Variants in TTN observed in about 807,000 individuals in gnomAD.
TTN encodes connectin.
A neutral mutation model predicts 3,223.0 loss-of-function variants in TTN; 1,525 were observed. That is an observed-to-expected ratio of 0.47 (90% CI 0.45 to 0.49). TTN has a LOEUF of 0.49. TTN is among the 20% of genes least tolerant of loss of function. The pLI is 0.00. For missense variants in TTN, 40,786 were observed against 43,424.0 expected (o/e 0.94, Z 5.40); for synonymous variants, 14,094 against 15,161.0 (o/e 0.93, Z 5.17).
chr2:178,730,787 T>C lies in TTN; in HGVS notation c.17746A>G (p.Ile5916Val). ...TTTTTGGTGAATGAAGGAGGTATGA[T>C]AAGATCTATTCAATGAAAAAGCAAA... The part of the protein sequence containing the change: ...CKARINVLDL[I>V]IPPSFTKKLK... The change falls in exon 61 of 363, where the codon ATC becomes GTC. Residue 5916 changes from isoleucine (I) to valine (V), a missense_variant. Coordinates refer to ENST00000589042, the MANE Select transcript of TTN (RefSeq NM_001267550.2). 1 of 1,590,784 alleles carries C rather than the reference T, an allele frequency of 6.3e-7. No homozygotes were observed. The highest frequency in any genetic ancestry group is 8.6e-7 in the Non-Finnish European group (1 of 1,167,392).
rs2742352 is a variant in TTN, at chr2:178,667,930, T to C, written c.35546-209A>G. Among the ~76,000 whole-genome samples, 3,265 of 152,250 alleles carry C rather than the reference T, an allele frequency of 0.021. 65 individuals carry two copies. Among genetic ancestry groups the C allele is most frequent in the East Asian group, 0.095 (491 of 5,174 alleles). ...TCTAAGCATTTCTCTATGATGATGA[T>C]AATAAAATGGAGGAATTGTTCAGGC... On this transcript the variant is annotated intron_variant, in intron 159 of 362. Transcript: ENST00000589042.
rs879160608 is a variant in TTN at position 178,579,027 on chromosome 2, G to T, written c.68003C>A (p.Pro22668Gln). 2 of 1,613,204 alleles carry T rather than the reference G, an allele frequency of 1.2e-6. No homozygotes were observed. Among genetic ancestry groups the T allele is most frequent in the Non-Finnish European group, 1.7e-6 (2 of 1,179,488 alleles). Residue 22668 changes from proline to glutamine, a missense_variant, in exon 320 of 363, where the codon CCA (proline) becomes CAA (glutamine). Coordinates refer to ENST00000589042, the MANE Select transcript of TTN (RefSeq NM_001267550.2). ...GATTTCAGAACCTCCATCATCCTTTGGAGGAGCCCACTTTAAGGTCATGGC... is the reference window on the plus strand; with the variant it reads ...GATTTCAGAACCTCCATCATCCTTTTGAGGAGCCCACTTTAAGGTCATGGC... ...AEAMTLKWAP[P>Q]KDDGGSEITN...
intron 147 of TTN, chr2:178,676,220 A>C: frequency 2.7e-6 from 1 of 370,592 alleles, no homozygotes; most frequent in Non-Finnish European, 4.9e-6. Flanking sequence ...TGGTGCAAAA[A>C]TAATTGCGGT....
At position 178,646,555 on chromosome 2, in the gene TTN, A is replaced by C. The variant is rs3754951; in HGVS notation, c.40227T>G (p.Arg13409=). The C allele has an allele frequency of 9.7e-6, 15 of 1,542,730 alleles. No homozygotes were observed. In the East Asian group the frequency reaches 3.7e-4, roughly 38 times the overall value. The change falls in exon 216 of 363, where the codon CGT becomes CGG. Residue 13409 remains arginine, a synonymous_variant. Coordinates refer to ENST00000589042, the MANE Select transcript of TTN (RefSeq NM_001267550.2). ...CAGGTTTAATATACTTTTCAATTTC[A>C]CGTTCTTTAAAGAATGTTGACAAAG... is the stretch of plus-strand genomic sequence containing the variant. ...GRKETPPVEE[R]EIEKYIKPEE...
At chr2:178,672,908 A>T (rs943943100) in intron 152 of TTN, among the ~76,000 whole-genome samples, 5 of 151,854 alleles carry the variant, frequency 3.3e-5, no homozygotes, top group African/African-American at 1.2e-4. Context: ...AGAAATGTCC[A>T]CAAAGTACCT....
chr2:178,714,325 T>C lies in TTN; in HGVS notation c.26449A>G (p.Met8817Val), dbSNP rs878856898. 1 of 1,613,652 alleles carries C rather than the reference T, an allele frequency of 6.2e-7. No homozygotes were observed. Among genetic ancestry groups the C allele is most frequent in the Non-Finnish European group, 8.5e-7 (1 of 1,179,588 alleles). The change falls in exon 91 of 363, where the codon ATG becomes GTG. Residue 8817 changes from methionine to valine, a missense_variant. Coordinates refer to ENST00000589042, the MANE Select transcript of TTN (RefSeq NM_001267550.2). Reference sequence around the variant, plus strand: ...GATAGCGTGGCGAAGCACTCTTGCATCCCAGCATCGTTTTTGATCTGACAA... The same window carrying C: ...GATAGCGTGGCGAAGCACTCTTGCACCCCAGCATCGTTTTTGATCTGACAA... ...YTCQIKNDAG[M>V]QECFATLSVL...
In TTN at chr2:178,633,943, T is replaced by G. The variant is rs1187615662; in HGVS notation, c.42556A>C (p.Thr14186Pro). The change falls in exon 231 of 363, where the codon ACA becomes CCA. Residue 14186 changes from threonine to proline, a missense_variant. Thr to Pro is a conservative substitution (Grantham distance 38, BLOSUM62 -1). Transcript: ENST00000589042. ...KNDAKLHTSR[T>P]VLISSEGKTH... ...TTGCCCTCAGAAGAGATGAGTACTG[T>G]TCTGCTTGTATGGAGTTTGGCATCA... 1 of 1,613,474 alleles carries G rather than the reference T, an allele frequency of 6.2e-7. No homozygotes were observed. The highest frequency in any genetic ancestry group is 1.7e-5 in the Admixed American group (1 of 59,994).
chr2:178,765,969 T>C (rs2090317431), intron 41 of TTN, among the ~76,000 whole-genome samples: 1 of 152,158 alleles, frequency 6.6e-6, no homozygotes, highest in African/African-American at 2.4e-5. Flanking sequence ...AGAGGACTTT[T>C]GAGTTCTCCC....
chr2:178,548,267 A>C lies in TTN; in HGVS notation c.93359T>G (p.Leu31120Arg), dbSNP rs1310673663. Residue 31120 changes from leucine to arginine, a missense_variant, in exon 339 of 363, where the codon CTT becomes CGT. By Grantham distance (102) the Leu-to-Arg change is moderately radical. Coordinates refer to ENST00000589042, the MANE Select transcript of TTN (RefSeq NM_001267550.2). This position sits in a 1 kb window ranked among gnomAD's most constrained non-coding sequence, Gnocchi z 4.3. ...GGATTTGCTAGTATCAACAACATCA[A>C]GTCTCCTAGGTGGAGCAGGCTGTTC... ...ATEQPAPPRR[L>R]DVVDTSKSSA... 1 of 1,613,860 alleles carries C rather than the reference A, an allele frequency of 6.2e-7. No homozygotes were observed. The highest frequency in any genetic ancestry group is 8.5e-7 in the Non-Finnish European group (1 of 1,179,810).
rs779531031 is a variant in TTN, at chr2:178,608,673, T to C, written c.52338A>G (p.Arg17446=). The C allele has an allele frequency of 3.1e-6, 5 of 1,612,050 alleles. No homozygotes were observed. The highest frequency in any genetic ancestry group is 4.2e-6 in the Non-Finnish European group (5 of 1,179,028). ...IEGKEYLFRV[R]AENRFGPGPP... is the part of the protein sequence containing the mutation. ...GACCTGGCCCAAATCTGTTTTCAGC[T>C]CTTACACGGAAGAGGTACTCTTTTC... is the stretch of plus-strand genomic sequence containing the variant. Residue 17446 remains arginine (R), a synonymous_variant, in exon 274 of 363, where the codon AGA becomes AGG. Coordinates refer to ENST00000589042, the MANE Select transcript of TTN (RefSeq NM_001267550.2).
chr2:178,776,065 TTC>T lies in TTN; in HGVS notation c.5797_5798del (p.Glu1933ArgfsTer3). 6.2e-7 allele frequency: 1 copy of T among 1,614,182 alleles called. No homozygotes were observed. Among genetic ancestry groups the T allele is most frequent in the South Asian group, 1.1e-5 (1 of 91,078 alleles). On this transcript the variant is annotated frameshift_variant, in exon 28 of 363. Transcript: ENST00000589042. LOFTEE classifies it high-confidence loss of function. ...CTCTCCTAAGGACAGACCTAAAATC[TTC>T]CCTCTGTTGAATCTCAAGCTTCACT... ...HKVKLEIQQR[E>X]DFRSVLRRAP...
At position 178,552,712 on chromosome 2, in the gene TTN, G is replaced by A. The variant is rs770325813; in HGVS notation, c.90188C>T (p.Thr30063Ile). 4 of 1,613,716 alleles carry A rather than the reference G, an allele frequency of 2.5e-6. No homozygotes were observed. The highest frequency in any genetic ancestry group is 2.7e-5 in the African/African-American group (2 of 74,906). Residue 30063 changes from threonine (T) to isoleucine (I), a missense_variant, in exon 335 of 363, where the codon ACA becomes ATA. Coordinates refer to ENST00000589042, the MANE Select transcript of TTN (RefSeq NM_001267550.2). ...ACCTTTCCTTTCTACAACATATTCT[G>A]TGATGACGCTACCACCATCAAAGTC... ...KPDFDGGSVI[T>I]EYVVERKGKG... is the part of the protein sequence containing the mutation.
In TTN at chr2:178,719,312, A is replaced by G; in HGVS notation, c.24078T>C (p.Val8026=). The G allele has an allele frequency of 6.2e-7, 1 of 1,613,714 alleles. No individual in the cohort carries two copies. Among genetic ancestry groups the G allele is most frequent in the South Asian group, 1.1e-5 (1 of 91,076 alleles). The part of the protein sequence containing the change: ...VGWFQDGNEI[V]SGPKCQSSFS... The stretch of plus-strand genomic sequence containing the variant: ...AGCTGGACTGACATTTGGGCCCACT[A>G]ACAATCTCATTTCCATCCTGAAACC... The change falls in exon 83 of 363, where the codon GTT becomes GTC. Residue 8026 remains valine (V), a synonymous_variant. Coordinates refer to ENST00000589042, the MANE Select transcript of TTN (RefSeq NM_001267550.2).
chr2:178,540,512 G>T, intron 350 of TTN, 142 bp from the exon 351 acceptor site: 1 of 762,848 alleles, frequency 1.3e-6, no homozygotes, highest in Non-Finnish European at 2.1e-6. Context: ...TTTATTCATG[G>T]CTGGGTGTGG....
chr2:178,583,041 A>G lies in TTN; in HGVS notation c.65762T>C (p.Leu21921Ser). The G allele has an allele frequency of 6.2e-7, 1 of 1,611,518 alleles. No homozygotes were observed. The highest frequency in any genetic ancestry group is 8.5e-7 in the Non-Finnish European group (1 of 1,178,586). Residue 21921 changes from leucine to serine, a missense_variant, in exon 313 of 363, where the codon TTG becomes TCG. By Grantham distance (145) the Leu-to-Ser change is moderately radical. Coordinates refer to ENST00000589042, the MANE Select transcript of TTN (RefSeq NM_001267550.2). Reference sequence around the variant, plus strand: ...CTTCCGGTTCACGCTGAATAGCTCCAAGGTGCACAGATTCCGCTGCATGGC... The same window carrying G: ...CTTCCGGTTCACGCTGAATAGCTCCGAGGTGCACAGATTCCGCTGCATGGC... ...KMAMQRNLCT[L>S]ELFSVNRKDS...
In TTN at chr2:178,569,883, T is replaced by A; in HGVS notation, c.76249A>T (p.Ile25417Leu). Reference protein sequence around the residue: ...GPPNNPKVIDITRSSVFLSWS... With the variant: ...GPPNNPKVIDLTRSSVFLSWS... ...GAAAGGAATACTGAAGATCTGGTTATGTCTATGACTTTGGGGTTGTTTGGG... is the reference window on the plus strand; with the variant it reads ...GAAAGGAATACTGAAGATCTGGTTAAGTCTATGACTTTGGGGTTGTTTGGG... Residue 25417 changes from isoleucine to leucine, a missense_variant, in exon 326 of 363, where the codon ATA (isoleucine) becomes TTA (leucine). By Grantham distance (5) the Ile-to-Leu change is conservative. Coordinates refer to ENST00000589042, the MANE Select transcript of TTN (RefSeq NM_001267550.2). The A allele has an allele frequency of 1.9e-6, 3 of 1,613,474 alleles. No homozygotes were observed. The highest frequency in any genetic ancestry group is 2.5e-6 in the Non-Finnish European group (3 of 1,179,618).
chr2:178,646,487 T>A lies in TTN; in HGVS notation c.40295A>T (p.Lys13432Ile). ...PEPQPEEIPV[K>I]EPEPEKVIEK... The stretch of plus-strand genomic sequence containing the variant: ...TTTAAGTCCACTGGATTGAATACCT[T>A]TTACTGGTATTTCTTCAGGCTGTGG... The change falls in exon 216 of 363, where the codon AAA (lysine) becomes ATA (isoleucine). Residue 13432 changes from lysine to isoleucine, a missense_variant and splice_region_variant. By Grantham distance (102) the Lys-to-Ile change is moderately radical (BLOSUM62 -3). Coordinates refer to ENST00000589042, the MANE Select transcript of TTN (RefSeq NM_001267550.2). The A allele has an allele frequency of 1.3e-6, 2 of 1,541,774 alleles. No homozygotes were observed. Among genetic ancestry groups the A allele is most frequent in the Non-Finnish European group, 1.8e-6 (2 of 1,139,740 alleles).
intron 121 of TTN, among the ~76,000 whole-genome samples, chr2:178,691,594 T>C (rs2072467272): frequency 6.6e-6 from 1 of 152,202 alleles, no homozygotes; most frequent in Non-Finnish European, 1.5e-5. Context: ...CATTCAGTTC[T>C]GCCAGACACT....
chr2:178,663,725 GC>G lies in TTN; in HGVS notation c.36449-16del. 1 of 1,612,704 alleles carries G rather than the reference GC, an allele frequency of 6.2e-7. No individual in the cohort carries two copies. Among genetic ancestry groups the G allele is most frequent in the East Asian group, 2.2e-5 (1 of 44,844 alleles). ...AGGCTCTGGTACTTAAAAGATATTA[GC>G]AAAATTACATTCAGAAGTTATGAAG... On this transcript the variant is annotated splice_polypyrimidine_tract_variant and intron_variant, in intron 170 of 362. Transcript: ENST00000589042.
Sources: allele counts gnomAD v4.1 joint callset (sites outside exome capture counted in the v4.1 genomes callset), GRCh38; gene constraint gnomAD v4.1.1; non-coding constraint Gnocchi (gnomAD v3.1); transcripts MANE v1.5; gene names NCBI Gene and HGNC (gene_info 2026-07-23, HGNC 2026-07-21).